BCO1: variants seen among roughly 807,000 people sequenced by gnomAD.
The protein encoded by BCO1 is beta-carotene oxygenase 1.
A neutral mutation model predicts 56.3 loss-of-function variants in BCO1; 54 were observed. That is an observed-to-expected ratio of 0.96 (90% CI 0.77 to 1.20). BCO1 has a LOEUF of 1.20. BCO1 is among the 50% of genes most tolerant of loss of function. The pLI, the probability that BCO1 is intolerant of heterozygous loss-of-function variation, is 0.00. For missense variants in BCO1, 801 were observed against 690.9 expected (o/e 1.16, Z -1.79); for synonymous variants, 318 against 266.1 (o/e 1.20, Z -1.90).
At chr16:81,272,996 GTC>G (rs2150628844) in intron 7 of BCO1, among the ~76,000 whole-genome samples, 1 of 152,140 alleles carries the variant, frequency 6.6e-6, no homozygotes, top group African/African-American at 2.4e-5. Flanking sequence ...GGGGGATGGA[GTC>G]TTGTTGTGTC....
At chr16:81,262,605 A>T (rs952033822) in intron 4 of BCO1, 3 of 362,444 alleles carry the variant, frequency 8.3e-6, no homozygotes, top group African/African-American at 6.4e-5. Context: ...AGGTGGGCAG[A>T]TCACCTGAGG....
intron 7 of BCO1, among the ~76,000 whole-genome samples, chr16:81,277,478 A>G (rs1339843990): frequency 6.6e-6 from 1 of 152,160 alleles, no homozygotes; most frequent in Non-Finnish European, 1.5e-5. Flanking sequence ...CTCAACCATT[A>G]TTTAATTTAA....
At chr16:81,253,279 T>C (rs1597350922) in intron 2 of BCO1, among the ~76,000 whole-genome samples, 1 of 152,312 alleles carries the variant, frequency 6.6e-6, no homozygotes, top group East Asian at 1.9e-4. Flanking sequence ...CTCTGTCTAC[T>C]GCATCTCAAT....
Position 81,257,773 on chromosome 16 carries a change from G to A in BCO1, c.194-1903G>A, listed in dbSNP as rs150672360. Among the ~76,000 whole-genome samples, 731 of 151,768 alleles carry A rather than the reference G, an allele frequency of 4.8e-3. 5 individuals are homozygous for A. Among genetic ancestry groups the A allele is most frequent in the African/African-American group, 0.017 (700 of 41,434 alleles). ...ACATGCCTGTAATACCAGCTACTCG[G>A]GGAGGCTGAGGCAGGAGAATCTTTT... On this transcript the variant is annotated intron_variant, in intron 2 of 10. Transcript: ENST00000258168.
intron 2 of BCO1, among the ~76,000 whole-genome samples, chr16:81,251,084 G>A (rs944037084): frequency 2.0e-5 from 3 of 152,140 alleles, no homozygotes; most frequent in Non-Finnish European, 2.9e-5. Context: ...GAAGAACCAT[G>A]GGCTAGTGAA....
intron 6 of BCO1, among the ~76,000 whole-genome samples, chr16:81,269,378 A>ACCT (rs1907045134): frequency 6.6e-6 from 1 of 150,516 alleles, no homozygotes; most frequent in African/African-American, 2.5e-5. Context: ...GTTCACTGTA[A>ACCT]CCTCCGCCTA....
In BCO1 at chr16:81,276,284, G is replaced by A. The variant is rs942469629; in HGVS notation, c.1102-4573G>A. Among the ~76,000 whole-genome samples, 10 of 152,228 alleles carry A rather than the reference G, an allele frequency of 6.6e-5. No homozygotes were observed. The East Asian group carries it at 1.5e-3, about 23-fold the overall frequency. ...AGGCTTTCTTTCTCTAGCAGGACCC[G>A]TACTCCACAGGGTGAGTTCACAGGG... On this transcript the variant is annotated intron_variant, in intron 7 of 10. Transcript: ENST00000258168.
chr16:81,283,821 T>A (rs1316151936), intron 8 of BCO1, among the ~76,000 whole-genome samples: 1 of 152,112 alleles, frequency 6.6e-6, no homozygotes, highest in African/African-American at 2.4e-5. Context: ...GAATATTTCC[T>A]AAGAGTTGAA....
chr16:81,260,595 GC>G (rs1567705108), intron 3 of BCO1, among the ~76,000 whole-genome samples: 2 of 152,014 alleles, frequency 1.3e-5, no homozygotes, highest in South Asian at 4.2e-4. Context: ...CGCAACCTCT[GC>G]CCCCCAGGTT....
rs894285516 is a variant in BCO1 at position 81,238,732 on chromosome 16, G to C, written c.-177G>C. Reference sequence around the variant, plus strand: ...AGGGCTCTTGGAGAGGGACAAGTGAGAGCCAGCCAAAAAGGAAAAAGCAAA... The same window carrying C: ...AGGGCTCTTGGAGAGGGACAAGTGACAGCCAGCCAAAAAGGAAAAAGCAAA... On this transcript the variant is annotated 5_prime_UTR_variant, in exon 1 of 11. Coordinates refer to ENST00000258168, the MANE Select transcript of BCO1 (RefSeq NM_017429.3). 1 of 683,494 alleles carries C rather than the reference G, an allele frequency of 1.5e-6. No individual in the cohort carries two copies. The highest frequency in any genetic ancestry group is 2.7e-6 in the Non-Finnish European group (1 of 370,880). 42.3% of individuals were successfully genotyped at this position (683,494 alleles called of 1,614,324 possible). A position where few individuals can be genotyped will look rare whatever the true frequency, so the allele number is the denominator to read the frequency against.
chr16:81,254,863 C>A (rs184554066), intron 2 of BCO1, among the ~76,000 whole-genome samples: 1 of 152,248 alleles, frequency 6.6e-6, no homozygotes, highest in East Asian at 1.9e-4. Flanking sequence ...GTAGTGCGAT[C>A]TTGGCTCACT....
chr16:81,282,816 A>T (rs933211340), intron 8 of BCO1, among the ~76,000 whole-genome samples: 2 of 152,092 alleles, frequency 1.3e-5, no homozygotes, highest in African/African-American at 4.8e-5. Context: ...CCCATCATGC[A>T]TGGATTGTGT....
chr16:81,281,437 C>T (rs546853709), intron 8 of BCO1, among the ~76,000 whole-genome samples: 3 of 152,092 alleles, frequency 2.0e-5, no homozygotes, highest in Non-Finnish European at 4.4e-5. Context: ...CAGAGCAAGA[C>T]ACTGTCTCAC....
intron 8 of BCO1, among the ~76,000 whole-genome samples, chr16:81,284,723 G>A (rs1209444953): frequency 2.6e-5 from 4 of 152,118 alleles, no homozygotes; most frequent in Non-Finnish European, 4.4e-5. Context: ...GGCCTCAAGC[G>A]ATCCTCCCAT....
intron 2 of BCO1, among the ~76,000 whole-genome samples, chr16:81,249,624 C>A (rs1054579622): frequency 1.3e-5 from 2 of 152,088 alleles, no homozygotes; most frequent in African/African-American, 2.4e-5. Context: ...CGGTCTCGAA[C>A]TCCTGACCTC....
chr16:81,262,211 AG>A lies in BCO1; in HGVS notation c.400del (p.Asp134ThrfsTer33). 6.2e-7 allele frequency: 1 copy of A among 1,613,970 alleles called. No homozygotes were observed. The highest frequency in any genetic ancestry group is 1.6e-4 in the Middle Eastern group (1 of 6,062). On this transcript the variant is annotated frameshift_variant, in exon 4 of 11. Coordinates refer to ENST00000258168, the MANE Select transcript of BCO1 (RefSeq NM_017429.3). LOFTEE classifies it high-confidence loss of function. ...CLINIMKCGE[D>X]FYATSETNYI... is the part of the protein sequence containing the mutation. ...TGATCAACATCATGAAGTGCGGAGA[AG>A]ACTTCTACGCGACCTCAGAGACCAA... is the stretch of plus-strand genomic sequence containing the variant.
intron 2 of BCO1, among the ~76,000 whole-genome samples, chr16:81,247,706 A>G (rs758616264): frequency 6.6e-5 from 10 of 151,726 alleles, no homozygotes; most frequent in Non-Finnish European, 1.0e-4. Flanking sequence ...TTGTATTTTT[A>G]GTACAGATGG....
At chr16:81,266,872 T>C (rs1224298134) in intron 5 of BCO1, among the ~76,000 whole-genome samples, 1 of 152,204 alleles carries the variant, frequency 6.6e-6, no homozygotes, top group Non-Finnish European at 1.5e-5. Context: ...CCATTTGTTT[T>C]ATAAAGACGA....
chr16:81,261,001 G>T (rs193258096), intron 3 of BCO1, among the ~76,000 whole-genome samples: 40 of 152,302 alleles, frequency 2.6e-4, no homozygotes, highest in African/African-American at 9.4e-4. Context: ...GCTTTTTTGA[G>T]AACTGAAGTC....
Sources: gnomAD v4.1 joint callset for allele counts (sites outside exome capture counted in the v4.1 genomes callset) on GRCh38, gnomAD v4.1.1 for gene constraint, MANE v1.5 for transcripts, NCBI Gene and HGNC (gene_info 2026-07-23, HGNC 2026-07-21) for gene names.